Variants in PPEF2 observed in about 807,000 individuals in gnomAD.
The protein encoded by PPEF2 is serine/threonine-protein phosphatase with EF-hands 2.
Under a neutral mutation model 84.7 loss-of-function variants are expected in PPEF2, and 84 were observed. The observed-to-expected ratio is 0.99, with a 90% confidence interval of 0.83 to 1.19. PPEF2 has a LOEUF of 1.19. Among genes scored for constraint, PPEF2 ranks in the 50% most tolerant of loss-of-function variants. PPEF2 has a pLI of 0.00. For missense variants in PPEF2, 924 were observed against 937.5 expected, an observed-to-expected ratio of 0.99 and a Z score of 0.19; for synonymous variants, 346 against 345.2, an observed-to-expected ratio of 1.00 and a Z score of -0.03.
chr4:75,871,422 C>A (rs1307656742), intron 13 of PPEF2, among the ~76,000 whole-genome samples: 1 of 152,062 alleles, frequency 6.6e-6, no homozygotes, highest in Admixed American at 6.6e-5. Flanking sequence ...GTTTAGTAAG[C>A]AGACTTTACC....
chr4:75,889,452 CA>C (rs1724821740), intron 5 of PPEF2, among the ~76,000 whole-genome samples: 1 of 152,194 alleles, frequency 6.6e-6, no homozygotes, highest in Non-Finnish European at 1.5e-5. Flanking sequence ...CATTCCTCAC[CA>C]CCTTAGATCT....
intron 10 of PPEF2, among the ~76,000 whole-genome samples, chr4:75,878,023 A>G (rs1405604073): frequency 6.6e-6 from 1 of 152,224 alleles, no homozygotes; most frequent in African/African-American, 2.4e-5. Context: ...CAAAGTATAT[A>G]GGTGAGAAAT....
chr4:75,893,117 T>C (rs1262758370), intron 2 of PPEF2, among the ~76,000 whole-genome samples: 1 of 152,224 alleles, frequency 6.6e-6, no homozygotes, highest in Non-Finnish European at 1.5e-5. Flanking sequence ...AAAAAATTCA[T>C]ACTACTAGTA....
rs1422919366 is a variant in PPEF2, at chr4:75,864,489, G to A, written c.1959C>T (p.Asn653=). Residue 653 remains asparagine, a synonymous_variant, in exon 16 of 17, where the codon AAC becomes AAT. Coordinates refer to ENST00000286719, the MANE Select transcript of PPEF2 (RefSeq NM_006239.3). Reference sequence around the variant, plus strand: ...TAAAAATGGTCTCTAGGTTGGATCGGTTTCGATACAATGTTTCCAGCAAAC... The same window carrying A: ...TAAAAATGGTCTCTAGGTTGGATCGATTTCGATACAATGTTTCCAGCAAAC... The part of the protein sequence containing the change: ...QSSLLETLYR[N]RSNLETIFRI... The A allele has an allele frequency of 6.2e-7, 1 of 1,613,050 alleles. No homozygotes were observed. Among genetic ancestry groups the A allele is most frequent in the African/African-American group, 1.3e-5 (1 of 74,876 alleles).
chr4:75,870,381 G>A (rs1423064691), intron 13 of PPEF2, among the ~76,000 whole-genome samples: 3 of 152,140 alleles, frequency 2.0e-5, no homozygotes, highest in African/African-American at 7.2e-5. Flanking sequence ...TTCTTTTTAA[G>A]TGAGGCTGGC....
At position 75,873,216 on chromosome 4, in the gene PPEF2, G is replaced by C; in HGVS notation, c.1417C>G (p.Gln473Glu). The C allele has an allele frequency of 6.2e-7, 1 of 1,613,988 alleles. No individual in the cohort carries two copies. Among genetic ancestry groups the C allele is most frequent in the Non-Finnish European group, 8.5e-7 (1 of 1,179,876 alleles). The change falls in exon 12 of 17, where the codon CAA (glutamine) becomes GAA (glutamate). Residue 473 changes from glutamine to glutamate, a missense_variant. Coordinates refer to ENST00000286719, the MANE Select transcript of PPEF2 (RefSeq NM_006239.3). ...GGCYFGPDVTQQLLQKYNMQF... is the reference protein window; with the variant it reads ...GGCYFGPDVTEQLLQKYNMQF... ...ATGTTGTATTTTTGTAGCAACTGTT[G>C]TGTCACATCAGGCCCAAAATAACAG...
At chr4:75,874,705 C>A (rs987672283) in intron 11 of PPEF2, among the ~76,000 whole-genome samples, 1 of 152,142 alleles carries the variant, frequency 6.6e-6, no homozygotes, top group Admixed American at 6.5e-5. Context: ...AAGACCTATA[C>A]TTTATAATTT....
intron 6 of PPEF2, among the ~76,000 whole-genome samples, chr4:75,887,610 G>C (rs1218045134): frequency 1.5e-5 from 2 of 130,892 alleles, no homozygotes; most frequent in Non-Finnish European, 3.3e-5. Flanking sequence ...GACAGAGCGG[G>C]ACTGTGTCTC....
intron 6 of PPEF2, 110 bp downstream of exon 6, chr4:75,888,104 T>G: frequency 1.3e-6 from 1 of 786,456 alleles, no homozygotes; most frequent in Non-Finnish European, 2.2e-6. Context: ...GGGTTAAATT[T>G]GGCTTATCAT....
chr4:75,900,002 G>C (rs1468717463), intron 1 of PPEF2, among the ~76,000 whole-genome samples: 1 of 152,100 alleles, frequency 6.6e-6, no homozygotes, highest in Non-Finnish European at 1.5e-5. Flanking sequence ...TCTCATCTAT[G>C]TATCTTCAAG....
chr4:75,902,126 C>A (rs1725136439), intron 1 of PPEF2, 104 bp downstream of exon 1: 1 of 152,204 alleles, frequency 6.6e-6, no homozygotes, highest in African/African-American at 2.4e-5. Context: ...CTGTCTTTGA[C>A]CTTTGTCTCA....
At chr4:75,878,460 C>T (rs1384379912) in intron 10 of PPEF2, among the ~76,000 whole-genome samples, 2 of 152,204 alleles carry the variant, frequency 1.3e-5, no homozygotes, top group Admixed American at 1.3e-4. Context: ...CGAGAACTTT[C>T]TGCAAATAGA....
chr4:75,870,439 C>G (rs989173058), intron 13 of PPEF2, among the ~76,000 whole-genome samples: 4 of 152,182 alleles, frequency 2.6e-5, no homozygotes, highest in Non-Finnish European at 5.9e-5. Context: ...ACTTTTACAG[C>G]ACTCACACAA....
intron 10 of PPEF2, among the ~76,000 whole-genome samples, chr4:75,881,110 T>TA (rs1448829353): frequency 6.7e-6 from 1 of 149,690 alleles, no homozygotes; most frequent in Non-Finnish European, 1.5e-5. Context: ...TAATTTTTTT[T>TA]TTTTTTTGAC....
chr4:75,861,797 G>A (rs1724008824), intron 16 of PPEF2, among the ~76,000 whole-genome samples: 1 of 140,466 alleles, frequency 7.1e-6, no homozygotes, highest in African/African-American at 2.5e-5. Context: ...TTTTAGTAGA[G>A]ACGGGGTTTC....
chr4:75,891,496 TA>T, intron 4 of PPEF2, 151 bp downstream of exon 4: 1 of 802,142 alleles, frequency 1.2e-6, no homozygotes, highest in Non-Finnish European at 1.9e-6. Context: ...GAACCTGGCA[TA>T]AAACCCCAGT....
rs375253970 is a variant in PPEF2, at chr4:75,884,654, A to T, written c.686T>A (p.Val229Asp). The T allele has an allele frequency of 3.7e-6, 6 of 1,613,870 alleles. No individual in the cohort carries two copies. The highest frequency in any genetic ancestry group is 5.1e-6 in the Non-Finnish European group (6 of 1,179,908). ...GTTAAGATGGAACTCTTTGGGGTAA[A>T]CCAGCATGAAGGCAAAAAGAATCAT... is the stretch of plus-strand genomic sequence containing the variant. ...ILMILFAFML[V>D]YPKEFHLNRG... The change falls in exon 8 of 17, where the codon GTT becomes GAT. Residue 229 changes from valine to aspartate, a missense_variant. Physicochemically the swap from Val to Asp is radical, Grantham distance 152. Transcript: ENST00000286719.
chr4:75,888,194 C>T lies in PPEF2; in HGVS notation c.532+20G>A, dbSNP rs762094879. On this transcript the variant is annotated intron_variant, in intron 6 of 16. Transcript: ENST00000286719. ...CTTCTTTGTGTGCAGCATGGAAAGCCGTTTCTGACCAGCTCTTACCACACA... is the reference window on the plus strand; with the variant it reads ...CTTCTTTGTGTGCAGCATGGAAAGCTGTTTCTGACCAGCTCTTACCACACA... 2.1e-5 allele frequency: 32 copies of T among 1,542,996 alleles called. No individual in the cohort carries two copies. The highest frequency in any genetic ancestry group is 2.7e-5 in the African/African-American group (2 of 73,416).
chr4:75,866,421 T>G (rs1315471733), intron 14 of PPEF2, 69 bp from the exon 15 acceptor site: 1 of 1,557,228 alleles, frequency 6.4e-7, no homozygotes, highest in Non-Finnish European at 8.8e-7. Flanking sequence ...GGTGTGTATA[T>G]TTTTATCCTG....
Sources: gnomAD v4.1 joint callset for allele counts (sites outside exome capture counted in the v4.1 genomes callset) on GRCh38, gnomAD v4.1.1 for gene constraint, MANE v1.5 for transcripts, NCBI Gene and HGNC (gene_info 2026-07-23, HGNC 2026-07-21) for gene names.